DLGAP2: variants seen among roughly 807,000 people sequenced by gnomAD.
DLGAP2 encodes the protein disks large-associated protein 2.
A neutral mutation model predicts 100.3 loss-of-function variants in DLGAP2; 26 were observed. That is an observed-to-expected ratio of 0.26 (90% CI 0.19 to 0.36). The LOEUF (loss-of-function observed/expected upper bound fraction) is 0.36. DLGAP2 is among the 10% of genes least tolerant of loss of function. DLGAP2 has a pLI of 1.00. For synonymous variants in DLGAP2, 886 were observed against 630.1 expected, an observed-to-expected ratio of 1.41 and a Z score of -6.08; for missense variants, 1,858 against 1,453.2, an observed-to-expected ratio of 1.28 and a Z score of -4.53.
intron 3 of DLGAP2, among the ~76,000 whole-genome samples, chr8:1,343,712 G>A (rs1401761746): frequency 6.6e-6 from 1 of 151,990 alleles, no homozygotes; most frequent in African/African-American, 2.4e-5. Context: ...GGGGGTCGTG[G>A]GGGGTGTTAG....
intron 2 of DLGAP2, among the ~76,000 whole-genome samples, chr8:1,150,386 T>C (rs1469213193): frequency 6.6e-6 from 1 of 152,262 alleles, no homozygotes; most frequent in African/African-American, 2.4e-5. Context: ...TTATAATATT[T>C]TCTCTTTGCC....
intron 1 of DLGAP2, among the ~76,000 whole-genome samples, chr8:866,115 G>C (rs971086417): frequency 1.3e-5 from 2 of 152,132 alleles, no homozygotes; most frequent in African/African-American, 4.8e-5. Context: ...ACAGTGGCGG[G>C]CAGAGTCCTC....
intron 6 of DLGAP2, among the ~76,000 whole-genome samples, chr8:1,584,160 G>C (rs940482868): frequency 6.6e-6 from 1 of 152,128 alleles, no homozygotes; most frequent in South Asian, 2.1e-4. Context: ...TCACACACTG[G>C]ATGAATGGAT....
chr8:792,073 A>C (rs756824802), intron 1 of DLGAP2, among the ~76,000 whole-genome samples: 1 of 152,240 alleles, frequency 6.6e-6, no homozygotes, highest in Non-Finnish European at 1.5e-5. Flanking sequence ...GAATTTTATC[A>C]GCCTTTCATG....
intron 3 of DLGAP2, among the ~76,000 whole-genome samples, chr8:1,463,313 G>C (rs543791316): frequency 2.6e-5 from 4 of 152,316 alleles, no homozygotes; most frequent in African/African-American, 9.6e-5. Flanking sequence ...CGTTTGTGCT[G>C]GTTTTGGTTA....
chr8:1,131,967 G>A (rs937856877), intron 2 of DLGAP2, among the ~76,000 whole-genome samples: 2 of 152,140 alleles, frequency 1.3e-5, no homozygotes, highest in Non-Finnish European at 2.9e-5. Context: ...AGAGAGGATC[G>A]ATGGTGTCTT....
chr8:1,567,831 C>CA (rs1422425900), intron 6 of DLGAP2, among the ~76,000 whole-genome samples: 1 of 152,216 alleles, frequency 6.6e-6, no homozygotes, highest in Non-Finnish European at 1.5e-5. Context: ...AAACACTGGC[C>CA]AGACCCTTCC....
chr8:936,699 T>C (rs1448544270), intron 2 of DLGAP2, among the ~76,000 whole-genome samples: 1 of 152,074 alleles, frequency 6.6e-6, no homozygotes, highest in Non-Finnish European at 1.5e-5. Flanking sequence ...TCTTTTTGTT[T>C]TGGTTTTTTA....
At chr8:1,210,939 C>T (rs1242324894) in intron 2 of DLGAP2, among the ~76,000 whole-genome samples, 1 of 150,438 alleles carries the variant, frequency 6.6e-6, no homozygotes, top group East Asian at 2.0e-4. Context: ...CAATCAATGC[C>T]ATTTTCCATT....
intron 2 of DLGAP2, among the ~76,000 whole-genome samples, chr8:1,085,799 A>G (rs1415407297): frequency 6.6e-6 from 1 of 152,324 alleles, no homozygotes; most frequent in East Asian, 1.9e-4. Flanking sequence ...TTCTGTATCT[A>G]CAAGGAATGA....
chr8:1,373,429 C>G (rs1000738758), intron 3 of DLGAP2, among the ~76,000 whole-genome samples: 1 of 152,126 alleles, frequency 6.6e-6, no homozygotes, highest in African/African-American at 2.4e-5. Flanking sequence ...CCGACAAGGA[C>G]GGGGGGCCGG....
In DLGAP2 at chr8:1,614,645, G is replaced by T. The variant is rs112198184; in HGVS notation, c.1443-12095G>T. Among the ~76,000 whole-genome samples the T allele has an allele frequency of 9.4e-3, 1,427 of 152,352 alleles. 21 individuals carry two copies. The highest frequency in any genetic ancestry group is 0.033 in the African/African-American group (1,353 of 41,586). On this transcript the variant is annotated intron_variant, in intron 6 of 14. Coordinates refer to ENST00000637795, the MANE Select transcript of DLGAP2 (RefSeq NM_001346810.2). ...ACAGCCTCTGCCTCTGCAGTGCTGGGCTCCCCAAACCAACAACTACAGCAG... is the reference window on the plus strand; with the variant it reads ...ACAGCCTCTGCCTCTGCAGTGCTGGTCTCCCCAAACCAACAACTACAGCAG...
In DLGAP2 at chr8:884,457, A is replaced by G. The variant is rs190796307; in HGVS notation, c.19-23455A>G. 8.2e-4 allele frequency among the ~76,000 whole-genome samples: 122 copies of G among 149,406 alleles called. 1 individual carries two copies. Among genetic ancestry groups the G allele is most frequent in the African/African-American group, 2.9e-3 (117 of 40,886 alleles). ...GTCTTCTTTTGAGAAATGTCTGTTC[A>G]TATCTTTTGCCCACTTTTCGATGTT... On this transcript the variant is annotated intron_variant, in intron 1 of 14. Coordinates refer to ENST00000637795, the MANE Select transcript of DLGAP2 (RefSeq NM_001346810.2).
chr8:1,308,255 T>C (rs1228303294), intron 3 of DLGAP2, among the ~76,000 whole-genome samples: 1 of 152,204 alleles, frequency 6.6e-6, no homozygotes, highest in African/African-American at 2.4e-5. Flanking sequence ...TAATGAGATA[T>C]CTGTCAACAT....
intron 1 of DLGAP2, among the ~76,000 whole-genome samples, chr8:820,640 T>A (rs899618308): frequency 2.6e-5 from 4 of 152,210 alleles, no homozygotes; most frequent in African/African-American, 4.8e-5. Context: ...ATTGTTGATA[T>A]GTGGCAATGT....
chr8:1,656,032 G>T (rs1349791371), intron 8 of DLGAP2, among the ~76,000 whole-genome samples: 1 of 152,220 alleles, frequency 6.6e-6, no homozygotes, highest in African/African-American at 2.4e-5. Context: ...AGATATTTTA[G>T]AATATTGGAG....
chr8:809,101 C>T (rs778224747), intron 1 of DLGAP2, among the ~76,000 whole-genome samples: 5 of 151,952 alleles, frequency 3.3e-5, no homozygotes, highest in Non-Finnish European at 5.9e-5. Flanking sequence ...GACAGGATTT[C>T]ACCATGTTGG....
chr8:1,638,984 C>T (rs1384114427), intron 8 of DLGAP2, among the ~76,000 whole-genome samples: 2 of 152,204 alleles, frequency 1.3e-5, no homozygotes, highest in East Asian at 3.9e-4. Flanking sequence ...GCCAGTACAA[C>T]CGGGGAGCCG....
chr8:1,697,684 C>T (rs1437189696), intron 14 of DLGAP2, among the ~76,000 whole-genome samples: 1 of 152,208 alleles, frequency 6.6e-6, no homozygotes, highest in African/African-American at 2.4e-5. Flanking sequence ...AAGCTGGCTT[C>T]CCACAGGGAA....
Sources: allele counts gnomAD v4.1 joint callset (sites outside exome capture counted in the v4.1 genomes callset), GRCh38; gene constraint gnomAD v4.1.1; transcripts MANE v1.5; gene names NCBI Gene and HGNC (gene_info 2026-07-23, HGNC 2026-07-21).